Variants in WWOX observed in about 807,000 individuals in gnomAD.
The protein encoded by WWOX is WW domain-containing oxidoreductase.
Under a neutral mutation model 46.2 loss-of-function variants are expected in WWOX, and 69 were observed. That is an observed-to-expected ratio of 1.49 (90% CI 1.23 to 1.82). The LOEUF (loss-of-function observed/expected upper bound fraction) is 1.82. WWOX is among the 40% of genes most tolerant of loss of function. The pLI is 0.00. For missense variants in WWOX, 919 were observed against 542.6 expected (o/e 1.69, Z -6.89); for synonymous variants, 359 against 202.6 (o/e 1.77, Z -6.56).
intron 8 of WWOX, among the ~76,000 whole-genome samples, chr16:78,530,507 G>A (rs1428165405): frequency 1.3e-5 from 2 of 152,190 alleles, no homozygotes; most frequent in Non-Finnish European, 2.9e-5. Context: ...CTCCAACTGT[G>A]GTCTCTAATT....
At chr16:78,428,033 A>C (rs372699638) in intron 7 of WWOX, among the ~76,000 whole-genome samples, 1 of 152,134 alleles carries the variant, frequency 6.6e-6, no homozygotes, top group Non-Finnish European at 1.5e-5. Context: ...GCACCAGTGC[A>C]CTCCAGCCTG....
At chr16:78,445,903 G>GA (rs1218725272) in intron 8 of WWOX, among the ~76,000 whole-genome samples, 1 of 151,470 alleles carries the variant, frequency 6.6e-6, no homozygotes, top group Non-Finnish European at 1.5e-5. Context: ...GCAGGGGAGG[G>GA]GGGAAAGAAG....
At chr16:78,517,233 T>A (rs72801971) in intron 8 of WWOX, among the ~76,000 whole-genome samples, 6,127 of 152,190 alleles carry the variant, frequency 0.04, 265 homozygotes, top group South Asian at 0.21. Flanking sequence ...TAAGTTACCT[T>A]TTCCTGAAAC....
At chr16:78,737,878 C>T (rs981304269) in intron 8 of WWOX, among the ~76,000 whole-genome samples, 1 of 152,132 alleles carries the variant, frequency 6.6e-6, no homozygotes, top group Non-Finnish European at 1.5e-5. Flanking sequence ...CCTCACCGAT[C>T]CCTTCCAAAG....
chr16:78,985,384 T>C (rs1163535348), intron 8 of WWOX, among the ~76,000 whole-genome samples: 1 of 152,212 alleles, frequency 6.6e-6, no homozygotes, highest in Non-Finnish European at 1.5e-5. Flanking sequence ...ACAGGGCTAA[T>C]AGCAGTGTCA....
chr16:78,863,553 C>T (rs528853646), intron 8 of WWOX, among the ~76,000 whole-genome samples: 11 of 152,260 alleles, frequency 7.2e-5, no homozygotes, highest in Non-Finnish European at 1.0e-4. Context: ...CGTGATCTTT[C>T]GGCATTGTGG....
intron 8 of WWOX, among the ~76,000 whole-genome samples, chr16:78,919,834 T>C (rs997517076): frequency 1.3e-5 from 2 of 152,158 alleles, no homozygotes; most frequent in African/African-American, 4.8e-5. Flanking sequence ...TATTTTCTTA[T>C]GTGGGGATCC....
At chr16:79,033,038 G>C (rs892986697) in intron 8 of WWOX, among the ~76,000 whole-genome samples, 10 of 151,144 alleles carry the variant, frequency 6.6e-5, no homozygotes, top group Non-Finnish European at 1.5e-4. Context: ...TTCTGTTATT[G>C]AATTAATTTG....
chr16:78,986,050 A>T (rs900914672), intron 8 of WWOX, among the ~76,000 whole-genome samples: 1 of 152,188 alleles, frequency 6.6e-6, no homozygotes, highest in African/African-American at 2.4e-5. Context: ...ATGCAATGCA[A>T]GCTTGTCCAC....
intron 8 of WWOX, among the ~76,000 whole-genome samples, chr16:79,190,879 T>C (rs2051122358): frequency 6.6e-6 from 1 of 152,178 alleles, no homozygotes; most frequent in Non-Finnish European, 1.5e-5. Context: ...GCAGGTAAAT[T>C]TGAGGACTCT....
intron 8 of WWOX, among the ~76,000 whole-genome samples, chr16:78,804,878 G>T (rs2050988839): frequency 1.3e-5 from 2 of 152,210 alleles, no homozygotes; most frequent in African/African-American, 4.8e-5. Context: ...AGTATTACGG[G>T]TTTTAAAAGC....
At chr16:78,540,523 T>C (rs1188677812) in intron 8 of WWOX, among the ~76,000 whole-genome samples, 3 of 152,174 alleles carry the variant, frequency 2.0e-5, no homozygotes, top group Non-Finnish European at 2.9e-5. Flanking sequence ...TTTGGACAGA[T>C]AAACAACATG....
chr16:79,170,888 G>C (rs1010378306), intron 8 of WWOX, among the ~76,000 whole-genome samples: 3 of 152,132 alleles, frequency 2.0e-5, no homozygotes, highest in South Asian at 2.1e-4. Flanking sequence ...AACCTTCGTG[G>C]ATTCCTGTGT....
At chr16:78,977,046 A>C (rs537512780) in intron 8 of WWOX, among the ~76,000 whole-genome samples, 1 of 152,136 alleles carries the variant, frequency 6.6e-6, no homozygotes, top group Non-Finnish European at 1.5e-5. Flanking sequence ...TCAGGTTTCA[A>C]CTGAGGCTCA....
chr16:78,330,266 A>G (rs1243076991), intron 5 of WWOX, among the ~76,000 whole-genome samples: 3 of 152,236 alleles, frequency 2.0e-5, no homozygotes, highest in African/African-American at 7.2e-5. Flanking sequence ...GTTCACTTAA[A>G]GTGGTTAAAA....
intron 5 of WWOX, among the ~76,000 whole-genome samples, chr16:78,279,130 A>G (rs529996349): frequency 6.6e-6 from 1 of 152,300 alleles, no homozygotes; most frequent in African/African-American, 2.4e-5. Context: ...TTTTTGAATA[A>G]GTAGAAAAAC....
intron 5 of WWOX, among the ~76,000 whole-genome samples, chr16:78,206,738 A>T (rs1482917074): frequency 6.8e-6 from 1 of 147,216 alleles, no homozygotes; most frequent in Non-Finnish European, 1.5e-5. Context: ...CACCATCAGA[A>T]CTACCTTTTG....
At chr16:78,879,533 C>G (rs776120483) in intron 8 of WWOX, among the ~76,000 whole-genome samples, 1 of 152,180 alleles carries the variant, frequency 6.6e-6, no homozygotes, top group African/African-American at 2.4e-5. Context: ...CCTTTGGCCT[C>G]GTGACCACCA....
chr16:79,210,934 G>T (rs952548031), intron 8 of WWOX, among the ~76,000 whole-genome samples: 1 of 152,136 alleles, frequency 6.6e-6, no homozygotes, highest in African/African-American at 2.4e-5. Flanking sequence ...TGGTCCCATT[G>T]TAAATCTGGG....
Sources: allele counts gnomAD v4.1 joint callset (sites outside exome capture counted in the v4.1 genomes callset), GRCh38; gene constraint gnomAD v4.1.1; transcripts MANE v1.5; gene names NCBI Gene and HGNC (gene_info 2026-07-23, HGNC 2026-07-21).